The following FOXP1 variants were observed in gnomAD, a reference collection of about 807,000 sequenced individuals.
FOXP1 encodes forkhead box protein P1.
A neutral mutation model predicts 98.2 loss-of-function variants in FOXP1; 15 were observed. The observed-to-expected ratio is 0.15, with a 90% CI of 0.10 to 0.24. The LOEUF is 0.24. Among genes scored for constraint, FOXP1 ranks in the 10% least tolerant of loss-of-function variants. The pLI is 1.00. For synonymous variants in FOXP1, 371 were observed against 314.5 expected, an observed-to-expected ratio of 1.18 and a Z score of -1.90; for missense variants, 633 against 848.5, an observed-to-expected ratio of 0.75 and a Z score of 3.15.
rs552668869 is a variant in FOXP1, at chr3:71,581,121, G to A, written c.-298+428C>T. 2.5e-5 allele frequency: 24 copies of A among 977,732 alleles called. No individual in the cohort carries two copies. The East Asian group carries it at 2.6e-3, about 107-fold the overall frequency. The allele number at this position is 977,732 out of a possible 1,614,324, so 60.6% of individuals were successfully genotyped here. A position where few individuals can be genotyped will look rare whatever the true frequency, so the allele number is the denominator to read the frequency against. On this transcript the variant is annotated intron_variant, in intron 2 of 20. Coordinates refer to ENST00000649528, the MANE Select transcript of FOXP1 (RefSeq NM_001349338.3). ...GTTTCATTTTGGGTCTTCTGGTAGA[G>A]CAAAAAGAAAATGAATTAAGACGAA...
At chr3:71,583,227 TCA>T (rs1489155145) in intron 1 of FOXP1, among the ~76,000 whole-genome samples, 1 of 151,926 alleles carries the variant, frequency 6.6e-6, no homozygotes, top group Non-Finnish European at 1.5e-5. Context: ...TCTCGCCTCC[TCA>T]CAGTCGCCAC....
In FOXP1 at chr3:71,250,479, T is replaced by C. The variant is rs148915893; in HGVS notation, c.-12+49341A>G. Among the ~76,000 whole-genome samples, 1,002 of 152,128 alleles carry C rather than the reference T, an allele frequency of 6.6e-3. 16 individuals carry two copies. The highest frequency in any genetic ancestry group is 0.023 in the African/African-American group (971 of 41,576). ...CCACACATGCCTAGTGGCTGCCATA[T>C]CTTGGACTGTGCAGTTTTAGAGGGG... is the stretch of plus-strand genomic sequence containing the variant. On this transcript the variant is annotated intron_variant, in intron 5 of 20. Coordinates refer to ENST00000649528, the MANE Select transcript of FOXP1 (RefSeq NM_001349338.3).
At chr3:71,105,319 TTAGTTACCTGG>T (rs2057337731) in intron 7 of FOXP1, among the ~76,000 whole-genome samples, 1 of 152,182 alleles carries the variant, frequency 6.6e-6, no homozygotes, top group South Asian at 2.1e-4. Flanking sequence ...GCTCTCATAA[TTAGTTACCTGG>T]GGCTGCAATC....
chr3:71,219,076 A>G (rs2065157650), intron 5 of FOXP1, among the ~76,000 whole-genome samples: 1 of 152,140 alleles, frequency 6.6e-6, no homozygotes, highest in African/African-American at 2.4e-5. Context: ...GAATTATCTA[A>G]TAATCTTCCT....
At chr3:71,564,314 C>T (rs1180896202) in intron 2 of FOXP1, among the ~76,000 whole-genome samples, 1 of 152,204 alleles carries the variant, frequency 6.6e-6, no homozygotes, top group Non-Finnish European at 1.5e-5. Context: ...AATAACGATA[C>T]AATAGTAATA....
chr3:71,245,720 C>T (rs1467658060), intron 5 of FOXP1, among the ~76,000 whole-genome samples: 3 of 152,042 alleles, frequency 2.0e-5, no homozygotes, highest in Admixed American at 6.6e-5. Flanking sequence ...ACCATTCATG[C>T]ACCTGAAAAT....
At chr3:71,413,986 T>C (rs768878100) in intron 3 of FOXP1, among the ~76,000 whole-genome samples, 6 of 151,966 alleles carry the variant, frequency 3.9e-5, no homozygotes, top group Non-Finnish European at 8.8e-5. Flanking sequence ...AGGAAGGATG[T>C]AGGGCAGAAA....
At chr3:71,500,007 G>A (rs1247095997) in intron 2 of FOXP1, among the ~76,000 whole-genome samples, 3 of 152,100 alleles carry the variant, frequency 2.0e-5, no homozygotes, top group African/African-American at 7.2e-5. Context: ...ATAAAGTTCT[G>A]GTAAAAAACG....
chr3:71,330,583 A>T (rs2107717701), intron 4 of FOXP1, among the ~76,000 whole-genome samples: 1 of 152,386 alleles, frequency 6.6e-6, no homozygotes, highest in South Asian at 2.1e-4. Flanking sequence ...ACTGGTAAAG[A>T]ATCTGTGGAC....
chr3:71,114,800 A>G (rs997830563), intron 6 of FOXP1, among the ~76,000 whole-genome samples: 28 of 152,308 alleles, frequency 1.8e-4, no homozygotes, highest in Non-Finnish European at 3.7e-4. Context: ...GAGTTGCCTG[A>G]GACTCTAGCC....
intron 7 of FOXP1, among the ~76,000 whole-genome samples, chr3:71,074,256 C>T (rs904490119): frequency 1.3e-5 from 2 of 152,116 alleles, no homozygotes; most frequent in African/African-American, 4.8e-5. Flanking sequence ...GAAATGGAAT[C>T]TTGCTCTCTC....
intron 4 of FOXP1, among the ~76,000 whole-genome samples, chr3:71,311,653 T>C (rs535411579): frequency 4.6e-5 from 7 of 152,354 alleles, no homozygotes; most frequent in African/African-American, 1.4e-4. Flanking sequence ...TCAGTATAGC[T>C]GGAAAGACCT....
intron 11 of FOXP1, among the ~76,000 whole-genome samples, chr3:71,022,029 T>C (rs538035007): frequency 6.6e-6 from 1 of 152,334 alleles, no homozygotes; most frequent in African/African-American, 2.4e-5. Flanking sequence ...AACCATTGCC[T>C]AAACTCAAGG....
chr3:71,446,987 G>A (rs150183599), intron 3 of FOXP1, among the ~76,000 whole-genome samples: 5 of 152,360 alleles, frequency 3.3e-5, no homozygotes, highest in Admixed American at 6.5e-5. Flanking sequence ...TCAAACACTA[G>A]GGAGTGGGTG....
rs533034805 is a variant in FOXP1, at chr3:71,421,954, G to A, written c.-167-62710C>T. The stretch of plus-strand genomic sequence containing the variant: ...TTGATCCCCTCTTGACGTGGCCTTG[G>A]TTTCCTATTTTATCATTTTAGGAGA... On this transcript the variant is annotated intron_variant, in intron 3 of 20. Coordinates refer to ENST00000649528, the MANE Select transcript of FOXP1 (RefSeq NM_001349338.3). 1.1e-4 allele frequency among the ~76,000 whole-genome samples: 17 copies of A among 152,250 alleles called. No homozygotes were observed. In the South Asian group the frequency reaches 1.7e-3, roughly 15 times the overall value.
chr3:71,008,179 C>T (rs2043044465), intron 12 of FOXP1, among the ~76,000 whole-genome samples: 1 of 152,084 alleles, frequency 6.6e-6, no homozygotes, highest in East Asian at 1.9e-4. Context: ...AAACTATGGG[C>T]CTGCATTTGA....
At chr3:71,416,752 C>A (rs1276494457) in intron 3 of FOXP1, among the ~76,000 whole-genome samples, 3 of 151,834 alleles carry the variant, frequency 2.0e-5, no homozygotes, top group Non-Finnish European at 4.4e-5. Context: ...TATGCAAAGA[C>A]CCCGTGGTAC....
intron 3 of FOXP1, among the ~76,000 whole-genome samples, chr3:71,490,711 C>T (rs1234642098): frequency 6.6e-6 from 1 of 152,096 alleles, no homozygotes; most frequent in Non-Finnish European, 1.5e-5. Context: ...CATTATAGTT[C>T]TTCAGATGGA....
chr3:70,956,521 G>T lies in FOXP1; in HGVS notation c.*2726C>A. The T allele has an allele frequency of 4.4e-6, 1 of 225,218 alleles. No individual in the cohort carries two copies. The highest frequency in any genetic ancestry group is 8.8e-6 in the Non-Finnish European group (1 of 114,140). 14.0% of individuals were successfully genotyped at this position (225,218 alleles called of 1,614,324 possible). A position where few individuals can be genotyped will look rare whatever the true frequency, so the allele number is the denominator to read the frequency against. On this transcript the variant is annotated 3_prime_UTR_variant, in exon 21 of 21. Coordinates refer to ENST00000649528, the MANE Select transcript of FOXP1 (RefSeq NM_001349338.3). ...TTTTAAATTTTAATCATTCCCTAAA[G>T]GTTTGAACTGAGGTATGCGTACTAA...
Sources: allele counts gnomAD v4.1 joint callset (sites outside exome capture counted in the v4.1 genomes callset), GRCh38; gene constraint gnomAD v4.1.1; transcripts MANE v1.5; gene names NCBI Gene and HGNC (gene_info 2026-07-23, HGNC 2026-07-21).